Variants in RIPOR1 observed in about 807,000 individuals in gnomAD.
The protein encoded by RIPOR1 is RHO family interacting cell polarization regulator 1, also known as rho family-interacting cell polarization regulator 1.
In RIPOR1, 58 loss-of-function variants were observed where a neutral mutation model predicts 116.5. The observed-to-expected ratio is 0.50, with a 90% CI of 0.40 to 0.62. The LOEUF (loss-of-function observed/expected upper bound fraction) is 0.62, where lower values mean the gene tolerates loss of function less well. Ranked by LOEUF, RIPOR1 falls within the 20% of genes least tolerant of loss-of-function variation. RIPOR1 has a pLI of 0.00. For missense variants in RIPOR1, 1,372 were observed against 1,586.2 expected, an observed-to-expected ratio of 0.86 and a Z score of 2.29; for synonymous variants, 605 against 650.0, an observed-to-expected ratio of 0.93 and a Z score of 1.05.
In RIPOR1 at chr16:67,529,359, C is replaced by G. The variant is rs1251253553; in HGVS notation, c.-24+445C>G. The stretch of plus-strand genomic sequence containing the variant: ...CGGCCTAGGAGCTGAGCTAATCCTC[C>G]TAGCTCTAGGGGCCGGCCTAAGCGG... On this transcript the variant is annotated intron_variant, in intron 1 of 21. Coordinates refer to ENST00000042381, the MANE Select transcript of RIPOR1 (RefSeq NM_024519.4). This position sits in a 1 kb window ranked among gnomAD's most constrained non-coding sequence, Gnocchi z 4.1. The G allele has an allele frequency of 6.0e-6, 1 of 166,476 alleles. No homozygotes were observed. Among genetic ancestry groups the G allele is most frequent in the Non-Finnish European group, 1.3e-5 (1 of 76,932 alleles). 10.3% of individuals were successfully genotyped at this position (166,476 alleles called of 1,614,324 possible). A position where few individuals can be genotyped will look rare whatever the true frequency, so the allele number is the denominator to read the frequency against.
Position 67,531,263 on chromosome 16 carries a change from C to T in RIPOR1, c.-24+2349C>T, listed in dbSNP as rs923288357. 6.6e-6 allele frequency among the ~76,000 whole-genome samples: 1 copy of T among 151,892 alleles called. No individual in the cohort carries two copies. The highest frequency in any genetic ancestry group is 2.4e-5 in the African/African-American group (1 of 41,334). ...GACATAGACTTAAAATCCTCCCCAC[C>T]AACAAACAGCTCAGGACCTGCTGTT... is the stretch of plus-strand genomic sequence containing the variant. On this transcript the variant is annotated intron_variant, in intron 1 of 21. Transcript: ENST00000042381. The surrounding 1 kb of genome is among the most constrained non-coding windows in gnomAD (Gnocchi z 4.2).
chr16:67,523,384 G>A (rs1423745734), intron 1 of RIPOR1, among the ~76,000 whole-genome samples: 2 of 151,658 alleles, frequency 1.3e-5, no homozygotes, highest in Non-Finnish European at 2.9e-5. Flanking sequence ...AAATTAGCCG[G>A]GCATGGTGGC....
In RIPOR1 at chr16:67,537,584, C is replaced by A; in HGVS notation, c.-23-840C>A. 1 of 1,422,230 alleles carries A rather than the reference C, an allele frequency of 7.0e-7. No individual in the cohort carries two copies. The highest frequency in any genetic ancestry group is 1.5e-5 in the African/African-American group (1 of 67,686). 88.1% of individuals were successfully genotyped at this position (1,422,230 alleles called of 1,614,324 possible). A position where few individuals can be genotyped will look rare whatever the true frequency, so the allele number is the denominator to read the frequency against. ...GGGGCCGTCCCGGACCCACCATGAA[C>A]ACCAAGAAGAGAGGTAGGACCCAGC... On this transcript the variant is annotated intron_variant, in intron 1 of 21. Coordinates refer to ENST00000042381, the MANE Select transcript of RIPOR1 (RefSeq NM_024519.4). This position sits in a 1 kb window ranked among gnomAD's most constrained non-coding sequence, Gnocchi z 4.6.
rs1396042822 is a variant in RIPOR1, at chr16:67,544,201, T to C, written c.2601-98T>C. Reference sequence around the variant, plus strand: ...ACTGTCTGCTGTCGGTGCATCATCTTCTTCCTTTCTGGCATGGGGGAAGCT... The same window carrying C: ...ACTGTCTGCTGTCGGTGCATCATCTCCTTCCTTTCTGGCATGGGGGAAGCT... On this transcript the variant is annotated intron_variant, in intron 14 of 21. Coordinates refer to ENST00000042381, the MANE Select transcript of RIPOR1 (RefSeq NM_024519.4). This position sits in a 1 kb window ranked among gnomAD's most constrained non-coding sequence, Gnocchi z 5.1. 1 of 1,465,056 alleles carries C rather than the reference T, an allele frequency of 6.8e-7. No individual in the cohort carries two copies. The highest frequency in any genetic ancestry group is 1.4e-5 in the African/African-American group (1 of 71,120). The allele number at this position is 1,465,056 out of a possible 1,614,324, so 90.8% of individuals were successfully genotyped here. A position where few individuals can be genotyped will look rare whatever the true frequency, so the allele number is the denominator to read the frequency against.
rs774539490 is a variant in RIPOR1 at position 67,538,561 on chromosome 16, G to A, written c.104+11G>A. On this transcript the variant is annotated intron_variant, in intron 2 of 21. Transcript: ENST00000042381. The stretch of plus-strand genomic sequence containing the variant: ...CGAGCGGGGGCCCAGGTACGCGGCC[G>A]CGCAGGGTTGGTGGGGTCAAAGGGC... 2.5e-6 allele frequency: 4 copies of A among 1,611,636 alleles called. No individual in the cohort carries two copies. In the African/African-American group the frequency reaches 5.3e-5, roughly 22 times the overall value.
In RIPOR1 at chr16:67,540,776, C is replaced by T. The variant is rs1038146289; in HGVS notation, c.801+72C>T. On this transcript the variant is annotated intron_variant, in intron 10 of 21. Coordinates refer to ENST00000042381, the MANE Select transcript of RIPOR1 (RefSeq NM_024519.4). The surrounding 1 kb of genome is among the most constrained non-coding windows in gnomAD (Gnocchi z 4.7). Reference sequence around the variant, plus strand: ...CCTTGTGACCCCCATTACCCTGAGTCCCTTACTCCTGTGATCCCCTCATAG... The same window carrying T: ...CCTTGTGACCCCCATTACCCTGAGTTCCTTACTCCTGTGATCCCCTCATAG... 16 of 1,445,472 alleles carry T rather than the reference C, an allele frequency of 1.1e-5. No individual in the cohort carries two copies. The highest frequency in any genetic ancestry group is 1.4e-5 in the African/African-American group (1 of 70,252). The allele number at this position is 1,445,472 out of a possible 1,614,324, so 89.5% of individuals were successfully genotyped here.
chr16:67,541,360 A>G lies in RIPOR1; in HGVS notation c.802-70A>G. The G allele has an allele frequency of 2.0e-6, 3 of 1,531,606 alleles. No homozygotes were observed. Among genetic ancestry groups the G allele is most frequent in the Non-Finnish European group, 2.7e-6 (3 of 1,130,732 alleles). 94.9% of individuals were successfully genotyped at this position (1,531,606 alleles called of 1,614,324 possible). ...CATTTTATAAGTTCTATGCAAATTC[A>G]GACCTCAGATTTCCCATGATCTCAT... On this transcript the variant is annotated intron_variant, in intron 10 of 21. Transcript: ENST00000042381. This position sits in a 1 kb window ranked among gnomAD's most constrained non-coding sequence, Gnocchi z 4.6.
chr16:67,545,593 G>C lies in RIPOR1; in HGVS notation c.3190+59G>C. 1 of 1,595,684 alleles carries C rather than the reference G, an allele frequency of 6.3e-7. No homozygotes were observed. Among genetic ancestry groups the C allele is most frequent in the East Asian group, 2.2e-5 (1 of 44,566 alleles). ...TTGGGGTCTGAGGACATGAGGACAA[G>C]CCCTCCCCAACCTCGGGGGCTCCTC... On this transcript the variant is annotated intron_variant, in intron 18 of 21. Transcript: ENST00000042381. The surrounding 1 kb of genome is among the most constrained non-coding windows in gnomAD (Gnocchi z 4.8).
upstream of RIPOR1, among the ~76,000 whole-genome samples, chr16:67,526,534 G>A (rs989740393): frequency 6.6e-6 from 1 of 152,230 alleles, no homozygotes; most frequent in African/African-American, 2.4e-5. Context: ...GGGCAGGAGA[G>A]GGGGATGCCA....
chr16:67,541,405 C>A lies in RIPOR1; in HGVS notation c.802-25C>A, dbSNP rs377495357. 23 of 1,607,682 alleles carry A rather than the reference C, an allele frequency of 1.4e-5. No homozygotes were observed. The African/African-American group carries it at 2.9e-4, about 21-fold the overall frequency. On this transcript the variant is annotated intron_variant, in intron 10 of 21. Coordinates refer to ENST00000042381, the MANE Select transcript of RIPOR1 (RefSeq NM_024519.4). The surrounding 1 kb of genome is among the most constrained non-coding windows in gnomAD (Gnocchi z 4.6). Reference sequence around the variant, plus strand: ...TCTCATAGCCCCTGCACCCTTGTGACCCTACCATGCACTCTTGGCTACAGG... The same window carrying A: ...TCTCATAGCCCCTGCACCCTTGTGAACCTACCATGCACTCTTGGCTACAGG...
intron 1 of RIPOR1, among the ~76,000 whole-genome samples, chr16:67,523,222 CTCCATCTCCCACTGCGGGACT>C (rs1201717975): frequency 6.6e-6 from 1 of 152,110 alleles, no homozygotes; most frequent in Non-Finnish European, 1.5e-5. Flanking sequence ...CTCCTTTACC[CTCCATCTCCCACTGCGGGACT>C]ATGTCATCCC....
intron 3 of RIPOR1, 77 bp downstream of exon 3, chr16:67,538,901 C>G: frequency 6.2e-7 from 1 of 1,609,394 alleles, no homozygotes; most frequent in Non-Finnish European, 8.5e-7. Context: ...GAACCTTCTC[C>G]AGCCCCATGC....
intron 1 of RIPOR1, among the ~76,000 whole-genome samples, chr16:67,521,163 C>T (rs557141908): frequency 6.6e-6 from 1 of 152,298 alleles, no homozygotes; most frequent in African/African-American, 2.4e-5. Flanking sequence ...AGTGACTGTT[C>T]TTGAATCCAG....
rs1022538645 is a variant in RIPOR1 at position 67,529,188 on chromosome 16, C to T, written c.-24+274C>T. On this transcript the variant is annotated intron_variant, in intron 1 of 21. Transcript: ENST00000042381. The surrounding 1 kb of genome is among the most constrained non-coding windows in gnomAD (Gnocchi z 4.1). ...CGGCAAGGCCCTGGCGGCCGGTGCC[C>T]CGGGGCGCTGGGATGGGCCAGGCCA... Among the ~76,000 whole-genome samples, 1 of 152,210 alleles carries T rather than the reference C, an allele frequency of 6.6e-6. No homozygotes were observed. The highest frequency in any genetic ancestry group is 1.5e-5 in the Non-Finnish European group (1 of 68,008).
intron 1 of RIPOR1, among the ~76,000 whole-genome samples, chr16:67,536,202 C>T (rs1216245440): frequency 1.3e-5 from 2 of 152,194 alleles, no homozygotes; most frequent in Non-Finnish European, 2.9e-5. Context: ...AATCCCAGCA[C>T]TTTGGGAGAA....
At chr16:67,536,356 G>A (rs2050793779) in intron 1 of RIPOR1, among the ~76,000 whole-genome samples, 1 of 152,180 alleles carries the variant, frequency 6.6e-6, no homozygotes, top group Non-Finnish European at 1.5e-5. Flanking sequence ...CCTGAGGCAG[G>A]AGAATCGCTT....
chr16:67,532,000 T>C lies in RIPOR1; in HGVS notation c.-24+3086T>C, dbSNP rs540181323. On this transcript the variant is annotated intron_variant, in intron 1 of 21. Coordinates refer to ENST00000042381, the MANE Select transcript of RIPOR1 (RefSeq NM_024519.4). The surrounding 1 kb of genome is among the most constrained non-coding windows in gnomAD (Gnocchi z 4.2). ...TCCACCTCCCGGGCTCATGCCATTC[T>C]CCCACCTCAGCCTACTGAGTAGCTG... 6.6e-6 allele frequency among the ~76,000 whole-genome samples: 1 copy of C among 151,790 alleles called. No individual in the cohort carries two copies. Among genetic ancestry groups the C allele is most frequent in the Non-Finnish European group, 1.5e-5 (1 of 67,980 alleles).
rs992637208 is a variant in RIPOR1 at position 67,542,315 on chromosome 16, G to C, written c.1529G>C (p.Gly510Ala). 2 of 1,613,692 alleles carry C rather than the reference G, an allele frequency of 1.2e-6. No homozygotes were observed. The highest frequency in any genetic ancestry group is 1.7e-6 in the Non-Finnish European group (2 of 1,179,898). The change falls in exon 13 of 22, where the codon GGT (glycine) becomes GCT (alanine). Residue 510 changes from glycine to alanine, a missense_variant. Around this residue, in one of 3 missense-constraint regions of RIPOR1, gnomAD observed 1,005 missense variants for 1,144.7 expected, o/e 0.88. Transcript: ENST00000042381. This position sits in a 1 kb window ranked among gnomAD's most constrained non-coding sequence, Gnocchi z 4.6. Reference sequence around the variant, plus strand: ...CACTCTGCCACAAGCTCTACCCTCGGTACAACAGGCTCTGTCCCCACATCT... The same window carrying C: ...CACTCTGCCACAAGCTCTACCCTCGCTACAACAGGCTCTGTCCCCACATCT... ...PGHSATSSTL[G>A]TTGSVPTSTD...
At chr16:67,539,505 G>A (rs1456462421) in intron 4 of RIPOR1, 4 of 615,614 alleles carry the variant, frequency 6.5e-6, no homozygotes, top group Non-Finnish European at 8.7e-6. Context: ...GAATCCCAGG[G>A]AAGAGGTGGA....
Sources: gnomAD v4.1 joint callset for allele counts (sites outside exome capture counted in the v4.1 genomes callset) on GRCh38, gnomAD v4.1.1 for gene constraint, gnomAD v4.1.1 regional missense constraint, Gnocchi (gnomAD v3.1) non-coding constraint, MANE v1.5 for transcripts, NCBI Gene and HGNC (gene_info 2026-07-23, HGNC 2026-07-21) for gene names.